Variants in PHACTR1 observed in about 807,000 individuals in gnomAD.
PHACTR1 encodes RPEL repeat containing 1.
PHACTR1 carries 16 observed loss-of-function variants against 69.2 expected under a neutral mutation model. The ratio of observed to expected loss-of-function variants is 0.23; its 90% CI spans 0.16 to 0.35. PHACTR1 has a LOEUF of 0.35. PHACTR1 is among the 10% of genes least tolerant of loss of function. The pLI, the probability that PHACTR1 is intolerant of heterozygous loss-of-function variation, is 1.00. For synonymous variants in PHACTR1, 312 were observed against 284.5 expected (o/e 1.10, Z -0.97); for missense variants, 510 against 734.7 (o/e 0.69, Z 3.54).
chr6:13,209,233 A>C (rs1434555000), intron 8 of PHACTR1, among the ~76,000 whole-genome samples: 1 of 152,004 alleles, frequency 6.6e-6, no homozygotes, highest in Non-Finnish European at 1.5e-5. Context: ...TAGGGAGGGA[A>C]TCACCAGCTG....
intron 6 of PHACTR1, 81 bp downstream of exon 6, chr6:13,160,365 A>G: frequency 8.4e-7 from 1 of 1,189,290 alleles, no homozygotes; most frequent in Non-Finnish European, 1.3e-6. Flanking sequence ...GTTCCATTTC[A>G]TTTTCTGCAT....
intron 12 of PHACTR1, chr6:13,281,207 A>C: frequency 8.8e-7 from 1 of 1,131,352 alleles, no homozygotes; most frequent in Non-Finnish European, 1.1e-6. Flanking sequence ...CAGGAAGAGA[A>C]ATTTGAAAGT....
At chr6:13,185,583 GTTAC>G (rs1029566759) in intron 7 of PHACTR1, among the ~76,000 whole-genome samples, 2 of 152,082 alleles carry the variant, frequency 1.3e-5, no homozygotes, top group African/African-American at 2.4e-5. Context: ...TTTCTGAAGT[GTTAC>G]TTAATGAATG....
At chr6:13,083,843 G>A (rs1410441331) in intron 5 of PHACTR1, among the ~76,000 whole-genome samples, 2 of 151,970 alleles carry the variant, frequency 1.3e-5, no homozygotes, top group Non-Finnish European at 2.9e-5. Flanking sequence ...AGGAGATTTT[G>A]GGCTGAGATG....
intron 4 of PHACTR1, among the ~76,000 whole-genome samples, chr6:12,863,828 A>G (rs1781170535): frequency 6.6e-6 from 1 of 152,160 alleles, no homozygotes; most frequent in Non-Finnish European, 1.5e-5. Flanking sequence ...GGCCCAGGTG[A>G]TTTTTGTGTG....
At chr6:13,135,077 G>A (rs2127979323) in intron 5 of PHACTR1, among the ~76,000 whole-genome samples, 1 of 152,264 alleles carries the variant, frequency 6.6e-6, no homozygotes, top group Admixed American at 6.5e-5. Flanking sequence ...GCTCTCCTGT[G>A]CCCACTAGCT....
chr6:12,952,155 T>C (rs1791377425), intron 4 of PHACTR1, among the ~76,000 whole-genome samples: 1 of 152,166 alleles, frequency 6.6e-6, no homozygotes, highest in African/African-American at 2.4e-5. Context: ...ATATACCTCC[T>C]ACCCTACGAG....
intron 4 of PHACTR1, among the ~76,000 whole-genome samples, chr6:13,051,884 A>G (rs1436838827): frequency 2.0e-5 from 3 of 152,180 alleles, no homozygotes; most frequent in Admixed American, 6.5e-5. Flanking sequence ...TTAAGTGGCC[A>G]CTTAATCAAA....
intron 4 of PHACTR1, among the ~76,000 whole-genome samples, chr6:12,998,555 G>A (rs2127618546): frequency 6.7e-6 from 1 of 150,166 alleles, no homozygotes; most frequent in Non-Finnish European, 1.5e-5. Flanking sequence ...GTTCAGGGCT[G>A]CTATGAGCTA....
chr6:13,158,177 C>T (rs757232805), intron 5 of PHACTR1, among the ~76,000 whole-genome samples: 34 of 151,904 alleles, frequency 2.2e-4, no homozygotes, highest in South Asian at 2.1e-4. Flanking sequence ...CCCCCGCGCC[C>T]GGCTGCTTAG....
chr6:12,756,575 T>C (rs2127603919), intron 4 of PHACTR1, among the ~76,000 whole-genome samples: 1 of 152,348 alleles, frequency 6.6e-6, no homozygotes, highest in Middle Eastern at 3.4e-3. Context: ...ATCACACTAG[T>C]AGTTGTTTAA....
intron 4 of PHACTR1, among the ~76,000 whole-genome samples, chr6:12,918,162 C>T (rs749072354): frequency 1.3e-5 from 2 of 152,162 alleles, no homozygotes; most frequent in Non-Finnish European, 2.9e-5. Flanking sequence ...GGTAACCATC[C>T]CTATAAAGAG....
Position 13,049,736 on chromosome 6 carries a change from T to C in PHACTR1, c.251-3629T>C, listed in dbSNP as rs558465659. On this transcript the variant is annotated intron_variant, in intron 4 of 14. Coordinates refer to ENST00000332995, the MANE Select transcript of PHACTR1 (RefSeq NM_030948.6). ...TTGAGAGTAATAAGTCAGGTTGTTT[T>C]AATATAAAAAATAGGTTATTTCATG... is the stretch of plus-strand genomic sequence containing the variant. Among the ~76,000 whole-genome samples the C allele has an allele frequency of 1.4e-3, 206 of 152,322 alleles. 1 individual carries two copies. The highest frequency in any genetic ancestry group is 3.4e-3 in the Middle Eastern group (1 of 294).
intron 5 of PHACTR1, among the ~76,000 whole-genome samples, chr6:13,113,026 A>T (rs1420757253): frequency 1.3e-5 from 2 of 152,094 alleles, no homozygotes; most frequent in Non-Finnish European, 2.9e-5. Context: ...TTAAGTCTTT[A>T]ATCCATCTTG....
chr6:12,960,247 C>A (rs146878193), intron 4 of PHACTR1, among the ~76,000 whole-genome samples: 408 of 152,318 alleles, frequency 2.7e-3, no homozygotes, highest in African/African-American at 9.5e-3. Context: ...CTGTGCCTGG[C>A]ACACTTAGTG....
chr6:12,913,767 G>A (rs775106140), intron 4 of PHACTR1, among the ~76,000 whole-genome samples: 3 of 152,158 alleles, frequency 2.0e-5, no homozygotes, highest in Non-Finnish European at 2.9e-5. Context: ...TGAAGAAGAG[G>A]AAGCGATATC....
At chr6:12,724,953 T>G (rs1762595701) in intron 3 of PHACTR1, among the ~76,000 whole-genome samples, 1 of 152,100 alleles carries the variant, frequency 6.6e-6, no homozygotes, top group Non-Finnish European at 1.5e-5. Context: ...CTTTTATCAT[T>G]TAAAATAACA....
intron 7 of PHACTR1, among the ~76,000 whole-genome samples, chr6:13,205,301 A>G (rs1008090801): frequency 1.3e-5 from 2 of 152,146 alleles, no homozygotes; most frequent in Admixed American, 6.5e-5. Flanking sequence ...CCACTAATCT[A>G]TTCATGAGGG....
intron 4 of PHACTR1, among the ~76,000 whole-genome samples, chr6:12,971,142 CACT>C: frequency 6.6e-6 from 1 of 152,262 alleles, no homozygotes; most frequent in Admixed American, 6.5e-5. Flanking sequence ...TAATGTAACC[CACT>C]CATGTCCCAG....
Sources: allele counts gnomAD v4.1 joint callset (sites outside exome capture counted in the v4.1 genomes callset), GRCh38; gene constraint gnomAD v4.1.1; transcripts MANE v1.5; gene names NCBI Gene and HGNC (gene_info 2026-07-23, HGNC 2026-07-21).